The following PTPRS variants were observed in gnomAD, a reference collection of about 807,000 sequenced individuals.
The protein encoded by PTPRS is receptor-type tyrosine-protein phosphatase S.
A neutral mutation model predicts 215.3 loss-of-function variants in PTPRS; 63 were observed. That is an observed-to-expected ratio of 0.29 (90% confidence interval 0.24 to 0.36). The LOEUF (loss-of-function observed/expected upper bound fraction) is 0.36. Among genes scored for constraint, PTPRS ranks in the 10% least tolerant of loss-of-function variants. The probability of loss-of-function intolerance (pLI) is 1.00; values close to 1 mark genes in which losing one functional copy is unlikely to be tolerated. For missense variants in PTPRS, 2,258 were observed against 2,825.8 expected, an observed-to-expected ratio of 0.80 and a Z score of 4.56; for synonymous variants, 1,404 against 1,191.4, an observed-to-expected ratio of 1.18 and a Z score of -3.68.
At position 5,237,645 on chromosome 19, in the gene PTPRS, C is replaced by T. The variant is rs1018089974; in HGVS notation, c.1849+1274G>A. Among the ~76,000 whole-genome samples the T allele has an allele frequency of 3.9e-5, 6 of 151,952 alleles. No homozygotes were observed. The highest frequency in any genetic ancestry group is 2.9e-5 in the Non-Finnish European group (2 of 67,974). Reference sequence around the variant, plus strand: ...AGTGGCTGGGGCAGGCGGGGGGGCACGCGGGGTGGGCCGTTTTTGTGAACC... The same window carrying T: ...AGTGGCTGGGGCAGGCGGGGGGGCATGCGGGGTGGGCCGTTTTTGTGAACC... On this transcript the variant is annotated intron_variant, in intron 13 of 37. Coordinates refer to ENST00000262963, the MANE Select transcript of PTPRS (RefSeq NM_002850.4). The surrounding 1 kb of genome is among the most constrained non-coding windows in gnomAD (Gnocchi z 4.2).
chr19:5,310,843 C>G (rs2147152170), intron 1 of PTPRS, among the ~76,000 whole-genome samples: 1 of 152,156 alleles, frequency 6.6e-6, no homozygotes, highest in South Asian at 2.1e-4. Context: ...GTAGCTGGGA[C>G]TATAGGCTTG....
At chr19:5,214,188 C>G (rs78721605) in intron 30 of PTPRS, among the ~76,000 whole-genome samples, 173 bp downstream of exon 30, 1 of 152,160 alleles carries the variant, frequency 6.6e-6, no homozygotes, top group Admixed American at 6.5e-5. Context: ...CTCTCTGAGC[C>G]TCAGTTTCCC....
At chr19:5,249,799 C>A (rs973885217) in intron 9 of PTPRS, among the ~76,000 whole-genome samples, 1 of 152,206 alleles carries the variant, frequency 6.6e-6, no homozygotes, top group African/African-American at 2.4e-5. Flanking sequence ...ATTGTTGGAA[C>A]GTCAAAGGGA....
intron 1 of PTPRS, among the ~76,000 whole-genome samples, chr19:5,301,338 C>CA (rs1281670441): frequency 1.4e-5 from 2 of 143,272 alleles, no homozygotes; most frequent in African/African-American, 2.6e-5. Context: ...TTTTTTGAGA[C>CA]AGAGTCTCGC....
Position 5,211,952 on chromosome 19 carries a change from AC to A in PTPRS, c.5055+12del, listed in dbSNP as rs1419300037. ...CCCCACCCCGCCCACAGCAGCCTCCACCCCGCTGGCACCTTGAACTCGAGTT... is the reference window on the plus strand; with the variant it reads ...CCCCACCCCGCCCACAGCAGCCTCCACCCGCTGGCACCTTGAACTCGAGTT... On this transcript the variant is annotated intron_variant, in intron 32 of 37. Transcript: ENST00000262963. 4.4e-6 allele frequency: 7 copies of A among 1,577,002 alleles called. No individual in the cohort carries two copies. The highest frequency in any genetic ancestry group is 6.0e-6 in the Non-Finnish European group (7 of 1,162,806).
chr19:5,288,447 G>C (rs1301100949), intron 1 of PTPRS, among the ~76,000 whole-genome samples: 1 of 152,204 alleles, frequency 6.6e-6, no homozygotes, highest in African/African-American at 2.4e-5. Flanking sequence ...ATAAAGCCTA[G>C]AGCACAGTCC....
intron 7 of PTPRS, 28 bp downstream of exon 7, chr19:5,260,777 G>GT: frequency 6.2e-7 from 1 of 1,613,396 alleles, no homozygotes; most frequent in Non-Finnish European, 8.5e-7. Context: ...GCGAGCGTGA[G>GT]TGGGTGGGTG....
chr19:5,324,333 T>TAAA (rs1357493949), intron 1 of PTPRS, among the ~76,000 whole-genome samples: 3 of 151,692 alleles, frequency 2.0e-5, no homozygotes, highest in Non-Finnish European at 4.4e-5. Context: ...TCAGCATACA[T>TAAA]TGGCTTGTAT....
chr19:5,281,698 T>C (rs1275246694), intron 2 of PTPRS, among the ~76,000 whole-genome samples: 6 of 152,186 alleles, frequency 3.9e-5, no homozygotes. Context: ...GAAAAGTCAC[T>C]GTGGCCGGGT....
At chr19:5,272,821 C>G (rs920537822) in intron 4 of PTPRS, among the ~76,000 whole-genome samples, 20 of 151,988 alleles carry the variant, frequency 1.3e-4, no homozygotes. Flanking sequence ...TCCCAAAGTG[C>G]TGGGATTGCA....
chr19:5,333,278 C>T (rs531390495), intron 1 of PTPRS, among the ~76,000 whole-genome samples: 41 of 151,318 alleles, frequency 2.7e-4, no homozygotes, highest in Admixed American at 1.4e-3. Flanking sequence ...TGAGACCAGC[C>T]TGAGCAATAT....
At position 5,329,238 on chromosome 19, in the gene PTPRS, G is replaced by A. The variant is rs1255202715; in HGVS notation, c.-95+11426C>T. Among the ~76,000 whole-genome samples the A allele has an allele frequency of 2.0e-5, 3 of 152,104 alleles. No homozygotes were observed. In the East Asian group the frequency reaches 5.8e-4, roughly 29 times the overall value. On this transcript the variant is annotated intron_variant, in intron 1 of 37. Transcript: ENST00000262963. ...GGAACGGACAAAGGGGAGGGGAAGAGGAGGAGAGATGAGGCCAGCGGCCCA... is the reference window on the plus strand; with the variant it reads ...GGAACGGACAAAGGGGAGGGGAAGAAGAGGAGAGATGAGGCCAGCGGCCCA...
chr19:5,277,233 TA>T (rs916081483), intron 2 of PTPRS, among the ~76,000 whole-genome samples: 24 of 152,138 alleles, frequency 1.6e-4, no homozygotes, highest in African/African-American at 5.8e-4. Context: ...CTAATTTTTT[TA>T]TTTTTTTTCC....
intron 26 of PTPRS, 95 bp downstream of exon 26, chr19:5,216,625 G>T: frequency 9.4e-7 from 1 of 1,068,614 alleles, no homozygotes. Flanking sequence ...ATGGGTGGGC[G>T]TGTGGACAGA....
At position 5,286,118 on chromosome 19, in the gene PTPRS, C is replaced by A. The variant is rs2048332501; in HGVS notation, c.23G>T (p.Gly8Val). 1 of 1,614,102 alleles carries A rather than the reference C, an allele frequency of 6.2e-7. No individual in the cohort carries two copies. The highest frequency in any genetic ancestry group is 8.5e-7 in the Non-Finnish European group (1 of 1,179,994). ...CATGGGACCAACCACAGACACCATG[C>A]CAGGGCCCCAGGTGGGCGCCATGCT... MAPTWGP[G>V]MVSVVGPMGL... Residue 8 changes from glycine (G) to valine (V), a missense_variant, in exon 2 of 38, where the codon GGC (glycine) becomes GTC (valine). Gly to Val is a moderately radical substitution (Grantham distance 109, BLOSUM62 -3). Transcript: ENST00000262963.
At position 5,210,858 on chromosome 19, in the gene PTPRS, A is replaced by G. The variant is rs1272375166; in HGVS notation, c.5235-53T>C. Reference sequence around the variant, plus strand: ...GGCCGGCAGGGAGACCCGGCGTGGTACTCACCTGATGCTGCCCGGGAGGGT... The same window carrying G: ...GGCCGGCAGGGAGACCCGGCGTGGTGCTCACCTGATGCTGCCCGGGAGGGT... On this transcript the variant is annotated intron_variant, in intron 33 of 37. Transcript: ENST00000262963. The surrounding 1 kb of genome is among the most constrained non-coding windows in gnomAD (Gnocchi z 4.5). 2.1e-5 allele frequency: 33 copies of G among 1,586,786 alleles called. No homozygotes were observed. Among genetic ancestry groups the G allele is most frequent in the Non-Finnish European group, 2.8e-5 (33 of 1,170,066 alleles).
rs764444823 is a variant in PTPRS at position 5,225,733 on chromosome 19, C to T, written c.2488G>A (p.Gly830Arg). 1 of 1,613,858 alleles carries T rather than the reference C, an allele frequency of 6.2e-7. No individual in the cohort carries two copies. Among genetic ancestry groups the T allele is most frequent in the Admixed American group, 1.7e-5 (1 of 60,020 alleles). ...RSKPKVVVTK[G>R]AVLGRPTLSV... The stretch of plus-strand genomic sequence containing the variant: ...AGGAGGGCGGGTTGCATACCTGCTC[C>T]CTTGGTCACAACCACCTTGGGTTTG... The change falls in exon 17 of 38, where the codon GGA (glycine) becomes AGA (arginine). Residue 830 changes from glycine (G) to arginine (R), a missense_variant. Coordinates refer to ENST00000262963, the MANE Select transcript of PTPRS (RefSeq NM_002850.4).
chr19:5,238,876 G>A lies in PTPRS; in HGVS notation c.1849+43C>T, dbSNP rs528579968. On this transcript the variant is annotated intron_variant, in intron 13 of 37. Coordinates refer to ENST00000262963, the MANE Select transcript of PTPRS (RefSeq NM_002850.4). ...CCGAGGGGCTGTCTGCGGTCAGGCCGTGGTCCCTCCCGCAGAGAAGGGCGG... is the reference window on the plus strand; with the variant it reads ...CCGAGGGGCTGTCTGCGGTCAGGCCATGGTCCCTCCCGCAGAGAAGGGCGG... 219 of 1,536,148 alleles carry A rather than the reference G, an allele frequency of 1.4e-4. 2 individuals are homozygous for A. In the South Asian group the frequency reaches 2.4e-3, roughly 17 times the overall value.
At position 5,297,937 on chromosome 19, in the gene PTPRS, C is replaced by T. The variant is rs535950192; in HGVS notation, c.-94-11703G>A. ...CCTCCTGAGTAGCTGGGATTACAGG[C>T]GCACACCACCACGCCCGGCTAATTT... On this transcript the variant is annotated intron_variant, in intron 1 of 37. Transcript: ENST00000262963. 2.6e-4 allele frequency among the ~76,000 whole-genome samples: 39 copies of T among 152,014 alleles called. 1 individual carries two copies. The East Asian group carries it at 6.0e-3, about 23-fold the overall frequency.
Sources: gnomAD v4.1 joint callset for allele counts (sites outside exome capture counted in the v4.1 genomes callset) on GRCh38, gnomAD v4.1.1 for gene constraint, Gnocchi (gnomAD v3.1) non-coding constraint, MANE v1.5 for transcripts, NCBI Gene and HGNC (gene_info 2026-07-23, HGNC 2026-07-21) for gene names.